The following ERBIN variants were observed in gnomAD, a reference collection of about 807,000 sequenced individuals.
ERBIN encodes densin-180-like protein.
ERBIN carries 60 observed loss-of-function variants against 158.4 expected under a neutral mutation model. That is an observed-to-expected ratio of 0.38 (90% CI 0.31 to 0.47). The LOEUF is 0.47. Ranked by LOEUF, ERBIN falls within the 20% of genes least tolerant of loss-of-function variation. ERBIN has a pLI of 0.99. For synonymous variants in ERBIN, 594 were observed against 557.2 expected, an observed-to-expected ratio of 1.07 and a Z score of -0.93; for missense variants, 1,610 against 1,648.0, an observed-to-expected ratio of 0.98 and a Z score of 0.40.
At chr5:65,980,016 A>G (rs1580236655) in intron 1 of ERBIN, among the ~76,000 whole-genome samples, 1 of 152,358 alleles carries the variant, frequency 6.6e-6, no homozygotes, top group East Asian at 1.9e-4. Flanking sequence ...TAATTTCTAG[A>G]GCAACCAAAA....
intron 16 of ERBIN, among the ~76,000 whole-genome samples, chr5:66,043,626 A>G (rs755928164): frequency 6.6e-6 from 1 of 151,894 alleles, no homozygotes; most frequent in Non-Finnish European, 1.5e-5. Flanking sequence ...TTGTTTCTTT[A>G]TGGAATTGAA....
intron 7 of ERBIN, among the ~76,000 whole-genome samples, chr5:66,018,145 G>T (rs1297037660): frequency 2.0e-5 from 3 of 151,628 alleles, no homozygotes; most frequent in African/African-American, 7.3e-5. Context: ...TAGCATCACT[G>T]TGGTTATTTG....
At chr5:66,025,450 A>G in intron 10 of ERBIN, 30 bp from the exon 11 acceptor site, 1 of 1,557,558 alleles carries the variant, frequency 6.4e-7, no homozygotes, top group Non-Finnish European at 8.9e-7. Context: ...TTTAAGCTGA[A>G]AAATTGTATG....
chr5:66,024,249 CT>C, intron 9 of ERBIN, 56 bp from the exon 10 acceptor site: 2 of 1,219,254 alleles, frequency 1.6e-6, no homozygotes, highest in Non-Finnish European at 2.3e-6. Flanking sequence ...ATTCCCTAAA[CT>C]TTTTACAAAT....
At chr5:66,076,030 CTAAAAAG>C in intron 23 of ERBIN, 1 of 332,142 alleles carries the variant, frequency 3.0e-6, no homozygotes, top group Non-Finnish European at 5.5e-6. Flanking sequence ...TCTGTGACGT[CTAAAAAG>C]TAAAACAGGG....
chr5:66,023,270 C>T lies in ERBIN; in HGVS notation c.598-20C>T. On this transcript the variant is annotated intron_variant, in intron 8 of 25. Coordinates refer to ENST00000284037, the MANE Select transcript of ERBIN (RefSeq NM_001253697.2). ...AAAAATTAATTGAATTACTGCTATC[C>T]CCTACCCTAATCCCAACAGCCTGAA... 1 of 1,592,892 alleles carries T rather than the reference C, an allele frequency of 6.3e-7. No homozygotes were observed. The highest frequency in any genetic ancestry group is 8.6e-7 in the Non-Finnish European group (1 of 1,162,202).
chr5:65,965,429 G>A (rs1437930199), intron 1 of ERBIN, among the ~76,000 whole-genome samples: 4 of 102,324 alleles, frequency 3.9e-5, no homozygotes, highest in Admixed American at 1.7e-4. Context: ...TTTTTGAGAC[G>A]GAGTCTCACT....
intron 4 of ERBIN, among the ~76,000 whole-genome samples, chr5:66,002,314 C>A (rs1344907610): frequency 6.6e-6 from 1 of 152,152 alleles, no homozygotes; most frequent in Non-Finnish European, 1.5e-5. Flanking sequence ...ATAAAAAGTT[C>A]TCTAAGCTGC....
At position 66,053,696 on chromosome 5, in the gene ERBIN, C is replaced by G. The variant is rs746451940; in HGVS notation, c.2378C>G (p.Thr793Arg). ...RSKTQDIVLG[T>R]SFLSINSKEE... ...AAAACACAGGATATTGTGCTTGGAA[C>G]AAGCTTTTTAAGCATTAATTCTAAA... The change falls in exon 21 of 26, where the codon ACA (threonine) becomes AGA (arginine). Residue 793 changes from threonine (T) to arginine (R), a missense_variant. Thr to Arg is a moderately conservative substitution (Grantham distance 71). This residue lies in a region of ERBIN where 1,014 missense variants were observed against 936.1 expected (regional missense o/e 1.08). Coordinates refer to ENST00000284037, the MANE Select transcript of ERBIN (RefSeq NM_001253697.2). The G allele has an allele frequency of 1.6e-5, 26 of 1,613,760 alleles. No homozygotes were observed.
At chr5:65,947,499 A>G (rs752577538) in intron 1 of ERBIN, among the ~76,000 whole-genome samples, 3 of 152,208 alleles carry the variant, frequency 2.0e-5, no homozygotes, top group Non-Finnish European at 4.4e-5. Flanking sequence ...ATTTGAGGTG[A>G]CACTTAATAG....
chr5:66,045,278 C>T (rs1275409950), intron 17 of ERBIN, among the ~76,000 whole-genome samples: 1 of 152,020 alleles, frequency 6.6e-6, no homozygotes, highest in African/African-American at 2.4e-5. Flanking sequence ...GATGTCATAA[C>T]ACAACTTTCC....
At chr5:65,950,253 C>T (rs1746339631) in intron 1 of ERBIN, among the ~76,000 whole-genome samples, 1 of 152,198 alleles carries the variant, frequency 6.6e-6, no homozygotes, top group African/African-American at 2.4e-5. Flanking sequence ...GATCCCCCTG[C>T]CTTGTCCTCC....
At chr5:65,980,492 A>G (rs78909286) in intron 1 of ERBIN, among the ~76,000 whole-genome samples, 1 of 152,214 alleles carries the variant, frequency 6.6e-6, no homozygotes, top group South Asian at 2.1e-4. Context: ...CATAGCAATA[A>G]TTACATAAAA....
intron 4 of ERBIN, among the ~76,000 whole-genome samples, chr5:65,996,858 ATTTC>A (rs1752495854): frequency 6.6e-6 from 1 of 152,032 alleles, no homozygotes; most frequent in Non-Finnish European, 1.5e-5. Flanking sequence ...AGTTAAATTT[ATTTC>A]TAAGTATTTT....
intron 9 of ERBIN, among the ~76,000 whole-genome samples, chr5:66,023,962 C>T (rs1270581032): frequency 6.6e-6 from 1 of 152,102 alleles, no homozygotes; most frequent in Non-Finnish European, 1.5e-5. Flanking sequence ...CAGGCGTGAG[C>T]CACCGCGCCC....
intron 8 of ERBIN, among the ~76,000 whole-genome samples, chr5:66,022,585 G>T (rs967217691): frequency 4.6e-5 from 7 of 152,158 alleles, no homozygotes; most frequent in African/African-American, 1.4e-4. Context: ...GCTTTGTGAG[G>T]TGATAGAAAT....
intron 1 of ERBIN, among the ~76,000 whole-genome samples, chr5:65,986,573 C>T (rs1751260552): frequency 6.6e-6 from 1 of 152,210 alleles, no homozygotes; most frequent in East Asian, 1.9e-4. Context: ...TTCTGAAACA[C>T]ATAAATGGAT....
At chr5:66,063,134 A>G (rs912274924) in intron 21 of ERBIN, among the ~76,000 whole-genome samples, 5 of 152,194 alleles carry the variant, frequency 3.3e-5, no homozygotes, top group African/African-American at 1.2e-4. Context: ...CCCTGCCCCC[A>G]GAGGTGGAGC....
chr5:66,064,599 C>T (rs1760800076), intron 21 of ERBIN, among the ~76,000 whole-genome samples: 1 of 152,152 alleles, frequency 6.6e-6, no homozygotes, highest in Non-Finnish European at 1.5e-5. Flanking sequence ...AAGAGAGCCA[C>T]TATTATTTCC....
Sources: allele counts gnomAD v4.1 joint callset (sites outside exome capture counted in the v4.1 genomes callset), GRCh38; gene constraint gnomAD v4.1.1; regional missense constraint gnomAD v4.1.1; transcripts MANE v1.5; gene names NCBI Gene and HGNC (gene_info 2026-07-23, HGNC 2026-07-21).